The following DAB1 variants were observed in gnomAD, a reference collection of about 807,000 sequenced individuals.
DAB1 encodes the protein DAB adaptor protein 1.
A neutral mutation model predicts 64.6 loss-of-function variants in DAB1; 15 were observed. The ratio of observed to expected loss-of-function variants is 0.23; its 90% CI spans 0.16 to 0.36. The LOEUF (loss-of-function observed/expected upper bound fraction) is 0.36, where lower values mean the gene tolerates loss of function less well. Among genes scored for constraint, DAB1 ranks in the 10% least tolerant of loss-of-function variants. DAB1 has a pLI of 1.00. For missense variants in DAB1, 596 were observed against 706.7 expected, an observed-to-expected ratio of 0.84 and a Z score of 1.78; for synonymous variants, 235 against 251.9, an observed-to-expected ratio of 0.93 and a Z score of 0.64.
intron 7 of DAB1, among the ~76,000 whole-genome samples, chr1:57,436,713 G>T (rs1685708725): frequency 1.3e-5 from 2 of 152,144 alleles, no homozygotes; most frequent in African/African-American, 2.4e-5. Context: ...TGATGAAGTG[G>T]ATGCCACCAG....
At chr1:58,164,524 C>T (rs1655719798) in intron 4 of DAB1, among the ~76,000 whole-genome samples, 1 of 152,068 alleles carries the variant, frequency 6.6e-6, no homozygotes, top group African/African-American at 2.4e-5. Flanking sequence ...TTTTCAAAGC[C>T]CTTCTGAGTT....
At chr1:57,475,759 C>T (rs1171700680) in intron 7 of DAB1, among the ~76,000 whole-genome samples, 1 of 152,212 alleles carries the variant, frequency 6.6e-6, no homozygotes, top group African/African-American at 2.4e-5. Flanking sequence ...CTCTAAATAC[C>T]TGTGTATTCA....
intron 4 of DAB1, among the ~76,000 whole-genome samples, chr1:58,198,764 T>C (rs1657833857): frequency 6.6e-6 from 1 of 152,138 alleles, no homozygotes; most frequent in African/African-American, 2.4e-5. Context: ...GTTTGTACTG[T>C]AGGAAAATCA....
At chr1:57,408,970 G>T (rs368061979) in intron 1 of DAB1, among the ~76,000 whole-genome samples, 44 of 152,028 alleles carry the variant, frequency 2.9e-4, no homozygotes, top group African/African-American at 1.1e-3. Context: ...GGGAAGACAG[G>T]GTATTTATCT....
chr1:57,238,872 C>T (rs932189637), intron 2 of DAB1, among the ~76,000 whole-genome samples: 1 of 151,476 alleles, frequency 6.6e-6, no homozygotes, highest in Non-Finnish European at 1.5e-5. Flanking sequence ...CACACACACA[C>T]ACACACACAC....
At chr1:57,777,389 T>TTC (rs34578525) in intron 6 of DAB1, among the ~76,000 whole-genome samples, 88,246 of 151,118 alleles carry the variant, frequency 0.58, 25,904 homozygotes, top group East Asian at 0.65. Context: ...CAAATAATTT[T>TTC]TGTTTTCTTT....
At chr1:58,424,344 T>C (rs1644801060) in intron 3 of DAB1, among the ~76,000 whole-genome samples, 1 of 152,212 alleles carries the variant, frequency 6.6e-6, no homozygotes, top group South Asian at 2.1e-4. Context: ...TGTTAATCTC[T>C]TCCAAAAACA....
chr1:57,278,029 A>C (rs958334535), intron 2 of DAB1, among the ~76,000 whole-genome samples: 2 of 152,228 alleles, frequency 1.3e-5, no homozygotes, highest in African/African-American at 4.8e-5. Flanking sequence ...ATCCTTTATA[A>C]AGGTAAATTG....
At chr1:57,703,995 A>T (rs1389223620) in intron 6 of DAB1, among the ~76,000 whole-genome samples, 3 of 152,152 alleles carry the variant, frequency 2.0e-5, no homozygotes. Context: ...ATGAGAACAC[A>T]TGGACACATA....
intron 1 of DAB1, among the ~76,000 whole-genome samples, chr1:57,359,194 C>T (rs1057017984): frequency 6.6e-6 from 1 of 151,954 alleles, no homozygotes; most frequent in African/African-American, 2.4e-5. Flanking sequence ...AACTATATAT[C>T]TGATAAGAGG....
At chr1:57,598,281 C>T (rs897691169) in intron 7 of DAB1, among the ~76,000 whole-genome samples, 1 of 152,260 alleles carries the variant, frequency 6.6e-6, no homozygotes, top group Non-Finnish European at 1.5e-5. Flanking sequence ...GGCGCCCAGC[C>T]GGTATCCACA....
At chr1:57,186,041 G>T (rs376804608) in intron 2 of DAB1, among the ~76,000 whole-genome samples, 1 of 152,190 alleles carries the variant, frequency 6.6e-6, no homozygotes, top group African/African-American at 2.4e-5. Flanking sequence ...CCTCAGTCTT[G>T]CCTGTATATC....
intron 3 of DAB1, among the ~76,000 whole-genome samples, chr1:58,396,498 T>A (rs1569725831): frequency 6.7e-6 from 1 of 149,514 alleles, no homozygotes; most frequent in African/African-American, 2.5e-5. Context: ...AACACAGAGG[T>A]GTGGCGGTGG....
At chr1:58,180,292 T>TTTTTTTTTTTTTTTTTTTTTTTTTTTTTC (rs1557684542) in intron 4 of DAB1, among the ~76,000 whole-genome samples, 1 of 123,832 alleles carries the variant, frequency 8.1e-6, no homozygotes, top group Non-Finnish European at 1.7e-5. Flanking sequence ...TTTTTTTTTT[T>TTTTTTTTTTTTTTTTTTTTTTTTTTTTTC]TTTTTTTTTT....
chr1:57,076,020 G>T (rs1217991606), intron 4 of DAB1, among the ~76,000 whole-genome samples: 2 of 152,186 alleles, frequency 1.3e-5, no homozygotes, highest in Non-Finnish European at 2.9e-5. Flanking sequence ...TTGGGGTAAA[G>T]GCTGGCCACT....
At chr1:57,077,472 T>G (rs555405408) in intron 4 of DAB1, among the ~76,000 whole-genome samples, 1 of 152,324 alleles carries the variant, frequency 6.6e-6, no homozygotes, top group Non-Finnish European at 1.5e-5. Flanking sequence ...CAAGTCACCT[T>G]AAGATAAGCC....
chr1:57,125,165 A>C (rs1354370143), intron 4 of DAB1, among the ~76,000 whole-genome samples: 1 of 152,112 alleles, frequency 6.6e-6, no homozygotes, highest in African/African-American at 2.4e-5. Flanking sequence ...GTTCATCCTT[A>C]CACATGTTCC....
At chr1:57,507,004 T>C (rs1644351387) in intron 7 of DAB1, among the ~76,000 whole-genome samples, 1 of 152,136 alleles carries the variant, frequency 6.6e-6, no homozygotes, top group African/African-American at 2.4e-5. Context: ...TCACCTCCAG[T>C]CCCTCTCATC....
chr1:57,134,383 C>T (rs143771409), intron 4 of DAB1, among the ~76,000 whole-genome samples: 2,751 of 151,852 alleles, frequency 0.018, 46 homozygotes, highest in Non-Finnish European at 0.028. Flanking sequence ...GTCAGGAGTT[C>T]GAGACCAGCC....
Sources: gnomAD v4.1 joint callset for allele counts (sites outside exome capture counted in the v4.1 genomes callset) on GRCh38, gnomAD v4.1.1 for gene constraint, MANE v1.5 for transcripts, NCBI Gene and HGNC (gene_info 2026-07-23, HGNC 2026-07-21) for gene names.